GOLGA7: variants seen among roughly 807,000 people sequenced by gnomAD.
GOLGA7 encodes the protein golgin subfamily A member 7.
GOLGA7 carries 10 observed loss-of-function variants against 21.1 expected under a neutral mutation model. That is an observed-to-expected ratio of 0.47 (90% CI 0.29 to 0.80). GOLGA7 has a LOEUF of 0.80. Ranked by LOEUF, GOLGA7 falls within the 30% of genes least tolerant of loss-of-function variation. The probability of loss-of-function intolerance (pLI) is 0.08; values close to 1 mark genes in which losing one functional copy is unlikely to be tolerated. For missense variants in GOLGA7, 114 were observed against 166.8 expected (o/e 0.68, Z 1.74); for synonymous variants, 64 against 62.6 (o/e 1.02, Z -0.10).
chr8:41,503,124 T>C (rs1171911015), intron 2 of GOLGA7, among the ~76,000 whole-genome samples: 2 of 152,136 alleles, frequency 1.3e-5, no homozygotes, highest in Non-Finnish European at 1.5e-5. Flanking sequence ...TATAAGAATA[T>C]TTAGAGCTTA....
At chr8:41,491,082 G>A (rs538841843) in intron 1 of GOLGA7, 117 bp downstream of exon 1, 1 of 669,822 alleles carries the variant, frequency 1.5e-6, no homozygotes, top group South Asian at 1.7e-5. Context: ...GGAGGTCCAG[G>A]CACAGAAGGG....
At chr8:41,505,670 T>C in intron 2 of GOLGA7, 1 of 372,160 alleles carries the variant, frequency 2.7e-6, no homozygotes, top group Non-Finnish European at 4.8e-6. Context: ...CGTGCCATTG[T>C]ATGCTTTTGC....
rs1806048777 is a variant in GOLGA7 at position 41,497,539 on chromosome 8, C to T, written c.142C>T (p.Arg48Ter). The T allele has an allele frequency of 1.3e-6, 2 of 1,576,478 alleles. No individual in the cohort carries two copies. The highest frequency in any genetic ancestry group is 8.7e-7 in the Non-Finnish European group (1 of 1,149,952). ...TAGGCAGCAGTTTGAAGAAACAGTTCGAACTCTAAATAACCTTTATGCAGA... is the reference window on the plus strand; with the variant it reads ...TAGGCAGCAGTTTGAAGAAACAGTTTGAACTCTAAATAACCTTTATGCAGA... ...IDRQQFEETV[R>*]TLNNLYAEAE... The change falls in exon 2 of 5, where the codon CGA becomes TGA. Residue 48 changes from arginine (R) to a stop codon, truncating the protein, a stop_gained. Coordinates refer to ENST00000357743, the MANE Select transcript of GOLGA7 (RefSeq NM_001002296.2). LOFTEE classifies it high-confidence loss of function.
chr8:41,509,365 C>G (rs1479790415), intron 4 of GOLGA7, among the ~76,000 whole-genome samples: 1 of 152,148 alleles, frequency 6.6e-6, no homozygotes, highest in Non-Finnish European at 1.5e-5. Flanking sequence ...TGGTGATGTG[C>G]TTGGTCAGAG....
In GOLGA7 at chr8:41,510,601, C is replaced by T. The variant is rs1040088782; in HGVS notation, c.*1033C>T. The T allele has an allele frequency of 3.9e-5, 6 of 152,660 alleles. No individual in the cohort carries two copies. The highest frequency in any genetic ancestry group is 8.8e-5 in the Non-Finnish European group (6 of 68,064). 9.5% of individuals were successfully genotyped at this position (152,660 alleles called of 1,614,324 possible). ...TACAGTAAGTTACTTCTCAGTAAAA[C>T]TCTCAAGTCTGAGTCCATATTTGTA... On this transcript the variant is annotated 3_prime_UTR_variant, in exon 5 of 5. Coordinates refer to ENST00000357743, the MANE Select transcript of GOLGA7 (RefSeq NM_001002296.2).
chr8:41,495,485 A>G (rs926568994), intron 1 of GOLGA7, among the ~76,000 whole-genome samples: 27 of 151,390 alleles, frequency 1.8e-4, no homozygotes, highest in Admixed American at 1.8e-3. Flanking sequence ...GAGTTTCACC[A>G]TGTTGCCCAG....
At chr8:41,497,474 CA>C in intron 1 of GOLGA7, 34 bp from the exon 2 acceptor site, 1 of 1,229,862 alleles carries the variant, frequency 8.1e-7, no homozygotes, top group Non-Finnish European at 1.1e-6. Context: ...TTTTTTTTTC[CA>C]AAACTTAATT....
At chr8:41,495,105 G>C (rs1331042557) in intron 1 of GOLGA7, among the ~76,000 whole-genome samples, 1 of 144,944 alleles carries the variant, frequency 6.9e-6, no homozygotes, top group Non-Finnish European at 1.5e-5. Flanking sequence ...TCGGGAGGCT[G>C]AGACACGAGA....
intron 3 of GOLGA7, among the ~76,000 whole-genome samples, chr8:41,506,389 A>G (rs1806287850): frequency 6.6e-6 from 1 of 152,142 alleles, no homozygotes; most frequent in South Asian, 2.1e-4. Flanking sequence ...CATCCAAATG[A>G]ATTGCAGTTT....
chr8:41,495,866 T>C (rs906187441), intron 1 of GOLGA7, among the ~76,000 whole-genome samples: 2 of 152,262 alleles, frequency 1.3e-5, no homozygotes, highest in Admixed American at 6.5e-5. Context: ...TGAAATCTGT[T>C]ATACAAAGTA....
intron 2 of GOLGA7, among the ~76,000 whole-genome samples, chr8:41,502,967 T>C (rs1806184848): frequency 6.6e-6 from 1 of 152,196 alleles, no homozygotes; most frequent in Non-Finnish European, 1.5e-5. Flanking sequence ...TCTGAGATTG[T>C]GGTATGAGTT....
intron 1 of GOLGA7, among the ~76,000 whole-genome samples, chr8:41,495,351 C>T (rs1358293389): frequency 6.6e-6 from 1 of 150,998 alleles, no homozygotes; most frequent in Non-Finnish European, 1.5e-5. Flanking sequence ...GTGGTGAGAT[C>T]TCAGTTCACT....
Position 41,507,075 on chromosome 8 carries a change from A to G in GOLGA7, c.383A>G (p.Tyr128Cys), listed in dbSNP as rs1806303472. ...GCTGTTTAGATTGAAATTACCATTTATGAAGACAGAGGCATGAGCAGTGGA... is the reference window on the plus strand; with the variant it reads ...GCTGTTTAGATTGAAATTACCATTTGTGAAGACAGAGGCATGAGCAGTGGA... ...RGLRVIEITI[Y>C]EDRGMSSGR The change falls in exon 4 of 5, where the codon TAT becomes TGT. Residue 128 changes from tyrosine to cysteine, a missense_variant. Physicochemically the swap from Tyr to Cys is radical, Grantham distance 194. Transcript: ENST00000357743. The G allele has an allele frequency of 2.9e-6, 4 of 1,367,508 alleles. No homozygotes were observed. Among genetic ancestry groups the G allele is most frequent in the Non-Finnish European group, 4.2e-6 (4 of 954,896 alleles). The allele number at this position is 1,367,508 out of a possible 1,614,324, so 84.7% of individuals were successfully genotyped here.
intron 2 of GOLGA7, among the ~76,000 whole-genome samples, chr8:41,499,309 T>C (rs1286797048): frequency 2.0e-5 from 3 of 152,150 alleles, no homozygotes; most frequent in Non-Finnish European, 4.4e-5. Context: ...GGTGCTCTTT[T>C]AGTTTAGCCA....
chr8:41,496,002 T>C (rs6986660), intron 1 of GOLGA7, among the ~76,000 whole-genome samples: 3 of 152,170 alleles, frequency 2.0e-5, no homozygotes, highest in Admixed American at 6.5e-5. Flanking sequence ...TTTCAGTTTT[T>C]GGGGTTTTTT....
intron 4 of GOLGA7, among the ~76,000 whole-genome samples, chr8:41,507,587 C>G (rs187968849): frequency 5.3e-5 from 8 of 151,956 alleles, no homozygotes; most frequent in Non-Finnish European, 8.8e-5. Context: ...GGCTTCAGAC[C>G]CCTGTGGAAG....
intron 2 of GOLGA7, among the ~76,000 whole-genome samples, chr8:41,505,499 G>A (rs1806262342): frequency 6.6e-6 from 1 of 152,144 alleles, no homozygotes; most frequent in Non-Finnish European, 1.5e-5. Context: ...AAAAGGCAAG[G>A]CCAAGAACTG....
At chr8:41,496,168 G>A (rs1806008318) in intron 1 of GOLGA7, among the ~76,000 whole-genome samples, 1 of 152,146 alleles carries the variant, frequency 6.6e-6, no homozygotes, top group Non-Finnish European at 1.5e-5. Flanking sequence ...CAAAGTGTGT[G>A]TACACTGAAC....
intron 4 of GOLGA7, among the ~76,000 whole-genome samples, chr8:41,509,041 G>A (rs542391096): frequency 1.2e-4 from 19 of 152,248 alleles, no homozygotes; most frequent in Non-Finnish European, 7.4e-5. Flanking sequence ...ATAATATCTT[G>A]CATATATCTT....
Sources: allele counts gnomAD v4.1 joint callset (sites outside exome capture counted in the v4.1 genomes callset), GRCh38; gene constraint gnomAD v4.1.1; transcripts MANE v1.5; gene names NCBI Gene and HGNC (gene_info 2026-07-23, HGNC 2026-07-21).